The following CACNA2D1 variants were observed in gnomAD, a reference collection of about 807,000 sequenced individuals.
CACNA2D1 encodes calcium voltage-gated channel auxiliary subunit alpha2delta 1, also known as voltage-dependent calcium channel subunit alpha-2/delta-1.
CACNA2D1 carries 53 observed loss-of-function variants against 171.5 expected under a neutral mutation model. The ratio of observed to expected loss-of-function variants is 0.31; its 90% CI spans 0.25 to 0.39. CACNA2D1 has a LOEUF of 0.39. Ranked by LOEUF, CACNA2D1 falls within the 10% of genes least tolerant of loss-of-function variation. The probability of loss-of-function intolerance (pLI) is 1.00; values close to 1 mark genes in which losing one functional copy is unlikely to be tolerated. For synonymous variants in CACNA2D1, 442 were observed against 443.1 expected, an observed-to-expected ratio of 1.00 and a Z score of 0.03; for missense variants, 903 against 1,299.8, an observed-to-expected ratio of 0.69 and a Z score of 4.69.
intron 3 of CACNA2D1, among the ~76,000 whole-genome samples, chr7:82,245,118 G>T (rs554605971): frequency 9.2e-5 from 14 of 152,254 alleles, no homozygotes; most frequent in African/African-American, 3.4e-4. Flanking sequence ...TTCTAACAAA[G>T]CATAAAGCTT....
chr7:82,369,705 T>C (rs1419843005), intron 1 of CACNA2D1, among the ~76,000 whole-genome samples: 1 of 152,042 alleles, frequency 6.6e-6, no homozygotes, highest in Non-Finnish European at 1.5e-5. Context: ...AAGGAATAGT[T>C]GTTTTAGGAA....
At chr7:82,301,180 G>A (rs117957158) in intron 3 of CACNA2D1, among the ~76,000 whole-genome samples, 3,323 of 152,322 alleles carry the variant, frequency 0.022, 50 homozygotes, top group Middle Eastern at 0.034. Flanking sequence ...AGGCTGGAGT[G>A]CAAAGGAATG....
chr7:82,383,996 T>C (rs2129449700), intron 1 of CACNA2D1, among the ~76,000 whole-genome samples: 1 of 152,312 alleles, frequency 6.6e-6, no homozygotes, highest in South Asian at 2.1e-4. Flanking sequence ...TGAGTCTATA[T>C]GAGGTACATT....
At chr7:82,250,792 G>A (rs1805538384) in intron 3 of CACNA2D1, among the ~76,000 whole-genome samples, 1 of 151,972 alleles carries the variant, frequency 6.6e-6, no homozygotes, top group Admixed American at 6.5e-5. Flanking sequence ...CAAGAGTTCT[G>A]GTTTACTGGT....
At chr7:81,958,626 C>CTATA (rs1465765328) in intron 38 of CACNA2D1, among the ~76,000 whole-genome samples, 8 of 151,800 alleles carry the variant, frequency 5.3e-5, no homozygotes, top group Non-Finnish European at 1.0e-4. Flanking sequence ...GATAGCTGAA[C>CTATA]TATAGGAAAA....
intron 3 of CACNA2D1, among the ~76,000 whole-genome samples, chr7:82,297,571 T>C (rs1812456630): frequency 6.6e-6 from 1 of 152,202 alleles, no homozygotes. Flanking sequence ...GTCATTGTAA[T>C]TATAGAATAA....
intron 9 of CACNA2D1, 24 bp downstream of exon 9, chr7:82,064,280 A>T (rs1015448201): frequency 6.7e-7 from 1 of 1,491,620 alleles, no homozygotes; most frequent in South Asian, 1.1e-5. Flanking sequence ...TCAATATATA[A>T]ATAAGTAGTA....
intron 4 of CACNA2D1, among the ~76,000 whole-genome samples, chr7:82,144,174 A>G: frequency 7.0e-6 from 1 of 142,010 alleles, no homozygotes; most frequent in South Asian, 2.3e-4. Flanking sequence ...CTTCTTGGTG[A>G]TAGGAAAAAT....
At chr7:82,190,875 G>T (rs1451671273) in intron 3 of CACNA2D1, among the ~76,000 whole-genome samples, 1 of 151,544 alleles carries the variant, frequency 6.6e-6, no homozygotes, top group East Asian at 1.9e-4. Flanking sequence ...AAGTCAACAG[G>T]AGCCATCAAA....
At chr7:82,437,312 A>G (rs953967025) in intron 1 of CACNA2D1, among the ~76,000 whole-genome samples, 1 of 152,128 alleles carries the variant, frequency 6.6e-6, no homozygotes, top group African/African-American at 2.4e-5. Context: ...ATTTGCCAGA[A>G]GACCACCATA....
chr7:82,363,122 AGAAAT>A (rs1462151284), intron 1 of CACNA2D1, among the ~76,000 whole-genome samples: 1 of 152,142 alleles, frequency 6.6e-6, no homozygotes, highest in Non-Finnish European at 1.5e-5. Context: ...ATTTCAGAAA[AGAAAT>A]TAAGTGTCCT....
intron 4 of CACNA2D1, among the ~76,000 whole-genome samples, chr7:82,139,446 T>A (rs1223125934): frequency 6.6e-6 from 1 of 152,208 alleles, no homozygotes; most frequent in Non-Finnish European, 1.5e-5. Flanking sequence ...AATTTCCCAA[T>A]GGTTTTGTTT....
At chr7:82,142,019 A>G (rs2129089340) in intron 4 of CACNA2D1, among the ~76,000 whole-genome samples, 1 of 152,330 alleles carries the variant, frequency 6.6e-6, no homozygotes, top group South Asian at 2.1e-4. Context: ...ATTATTAAAC[A>G]ACATCATCTT....
intron 11 of CACNA2D1, 44 bp from the exon 12 acceptor site, chr7:82,032,945 C>T: frequency 9.5e-7 from 1 of 1,047,276 alleles, no homozygotes; most frequent in South Asian, 1.3e-5. Flanking sequence ...GTATTATTCA[C>T]AATAAAAGAG....
At chr7:82,299,018 A>G (rs6969265) in intron 3 of CACNA2D1, among the ~76,000 whole-genome samples, 112,988 of 148,652 alleles carry the variant, frequency 0.76, 44,102 homozygotes, top group African/African-American at 0.94. Flanking sequence ...AGCTGAGATC[A>G]CGCCATTGCA....
At chr7:81,995,881 A>G (rs1000941551) in intron 19 of CACNA2D1, among the ~76,000 whole-genome samples, 2 of 152,010 alleles carry the variant, frequency 1.3e-5, no homozygotes, top group Non-Finnish European at 2.9e-5. Flanking sequence ...AGTTTCCTCA[A>G]CTTATTTTTT....
intron 1 of CACNA2D1, among the ~76,000 whole-genome samples, chr7:82,365,989 G>C (rs942159073): frequency 2.2e-4 from 33 of 152,114 alleles, no homozygotes; most frequent in African/African-American, 7.2e-4. Context: ...TACTCTCTTA[G>C]CCAGTGAATG....
At position 82,117,050 on chromosome 7, in the gene CACNA2D1, C is replaced by T; in HGVS notation, c.520G>A (p.Glu174Lys). Residue 174 changes from glutamate (E) to lysine (K), a missense_variant, in exon 6 of 39, where the codon GAG (glutamate) becomes AAG (lysine). Transcript: ENST00000356860. ...AAVHIPTDIY[E>K]GSTIVLNELN... ...TTAACATTCTTTTACTTACAGCCCT[C>T]ATAGATGTCAGTAGGAATATGGACT... is the stretch of plus-strand genomic sequence containing the variant. 1 of 1,613,770 alleles carries T rather than the reference C, an allele frequency of 6.2e-7. No homozygotes were observed. Among genetic ancestry groups the T allele is most frequent in the African/African-American group, 1.3e-5 (1 of 75,000 alleles).
At chr7:82,397,192 T>A (rs1193278761) in intron 1 of CACNA2D1, among the ~76,000 whole-genome samples, 1 of 152,198 alleles carries the variant, frequency 6.6e-6, no homozygotes, top group African/African-American at 2.4e-5. Context: ...TTATCATCAG[T>A]ACTTGGTCTT....
Sources: allele counts gnomAD v4.1 joint callset (sites outside exome capture counted in the v4.1 genomes callset), GRCh38; gene constraint gnomAD v4.1.1; transcripts MANE v1.5; gene names NCBI Gene and HGNC (gene_info 2026-07-23, HGNC 2026-07-21).